MICAL3: variants seen among roughly 807,000 people sequenced by gnomAD.
The protein encoded by MICAL3 is microtubule associated monooxygenase, calponin and LIM domain containing 3.
Under a neutral mutation model 207.4 loss-of-function variants are expected in MICAL3, and 62 were observed. The observed-to-expected ratio is 0.30, with a 90% CI of 0.24 to 0.37. The LOEUF (loss-of-function observed/expected upper bound fraction) is 0.37, where lower values mean the gene tolerates loss of function less well. Ranked by LOEUF, MICAL3 falls within the 10% of genes least tolerant of loss-of-function variation. The pLI is 1.00. For missense variants in MICAL3, 2,368 were observed against 2,635.6 expected (o/e 0.90, Z 2.22); for synonymous variants, 1,077 against 1,069.3 (o/e 1.01, Z -0.14).
chr22:17,802,513 C>T (rs749661009), intron 29 of MICAL3, among the ~76,000 whole-genome samples: 2 of 152,146 alleles, frequency 1.3e-5, no homozygotes, highest in Non-Finnish European at 2.9e-5. Context: ...TCTCTGAACA[C>T]ACCAGAAGCC....
At chr22:17,903,519 G>C (rs1226542749) in intron 3 of MICAL3, among the ~76,000 whole-genome samples, 1 of 152,160 alleles carries the variant, frequency 6.6e-6, no homozygotes, top group Admixed American at 6.5e-5. Context: ...TCTCTCTTAA[G>C]ACCAAACTTA....
At chr22:18,005,411 CTT>C (rs1446138096) in intron 1 of MICAL3, 1 of 152,192 alleles carries the variant, frequency 6.6e-6, no homozygotes, top group Non-Finnish European at 1.5e-5. Flanking sequence ...CTGAGCCTGG[CTT>C]TCCACACTGC....
At chr22:17,894,796 C>CAAAA (rs549154429) in intron 10 of MICAL3, among the ~76,000 whole-genome samples, 53 of 78,296 alleles carry the variant, frequency 6.8e-4, no homozygotes, top group South Asian at 2.9e-3. Context: ...GATTCCATCT[C>CAAAA]AAAAAAAAAA....
chr22:17,846,407 C>A (rs977622780), intron 19 of MICAL3, among the ~76,000 whole-genome samples: 8 of 147,762 alleles, frequency 5.4e-5, no homozygotes, highest in Non-Finnish European at 1.0e-4. Context: ...AAAAAAAAAA[C>A]CACACGCACA....
intron 28 of MICAL3, 93 bp from the exon 29 acceptor site, chr22:17,809,030 G>C (rs1320687704): frequency 9.0e-6 from 10 of 1,106,558 alleles, no homozygotes; most frequent in African/African-American, 3.1e-5. Context: ...AAACACAGGA[G>C]TTGCCGCTCT....
intron 16 of MICAL3, among the ~76,000 whole-genome samples, chr22:17,877,305 A>T (rs1928771871): frequency 7.7e-6 from 1 of 129,586 alleles, no homozygotes; most frequent in Non-Finnish European, 1.6e-5. Flanking sequence ...TAGGGAGGTT[A>T]TGGAGGTTAG....
At chr22:17,842,253 CCTT>C in intron 19 of MICAL3, 1 of 566,460 alleles carries the variant, frequency 1.8e-6, no homozygotes, top group South Asian at 2.2e-5. Flanking sequence ...CGTTCTCTCT[CCTT>C]CATCACCCTG....
intron 1 of MICAL3, among the ~76,000 whole-genome samples, chr22:17,914,566 A>C (rs1932357108): frequency 6.6e-6 from 1 of 152,144 alleles, no homozygotes; most frequent in South Asian, 2.1e-4. Flanking sequence ...TCCAGTCCCT[A>C]ACCACCCGAG....
intron 19 of MICAL3, among the ~76,000 whole-genome samples, chr22:17,855,907 T>A (rs1569096832): frequency 1.3e-5 from 2 of 152,242 alleles, no homozygotes; most frequent in Non-Finnish European, 2.9e-5. Flanking sequence ...CAGAGAATGA[T>A]GAAGGGCAGC....
chr22:17,793,472 AG>A lies in MICAL3; in HGVS notation c.5651-2172del, dbSNP rs1555913554. On this transcript the variant is annotated intron_variant, in intron 29 of 31. Transcript: ENST00000441493. This position sits in a 1 kb window ranked among gnomAD's most constrained non-coding sequence, Gnocchi z 4.1. Reference sequence around the variant, plus strand: ...CTTAAAGCCCCAGCCACGAAGGGCCAGCCAATGCTGCAGCCCTGAAGGACCC... The same window carrying A: ...CTTAAAGCCCCAGCCACGAAGGGCCACCAATGCTGCAGCCCTGAAGGACCC... 6.6e-6 allele frequency among the ~76,000 whole-genome samples: 1 copy of A among 152,198 alleles called. No individual in the cohort carries two copies. The highest frequency in any genetic ancestry group is 1.5e-5 in the Non-Finnish European group (1 of 68,030).
In MICAL3 at chr22:17,790,762, C is replaced by G. The variant is rs1259124557; in HGVS notation, c.5979G>C (p.Leu1993=). The G allele has an allele frequency of 6.2e-7, 1 of 1,608,984 alleles. No individual in the cohort carries two copies. The highest frequency in any genetic ancestry group is 1.3e-5 in the African/African-American group (1 of 74,798). ...EEDKDLEAAM[L]SKGFSLNWS ...ACCAGTTAAGGCTGAAGCCCTTGGA[C>G]AGCATGGCAGCCTCCAGGTCCTTGT... The change falls in exon 32 of 32, where the codon CTG becomes CTC. Residue 1993 remains leucine (L), a synonymous_variant. Transcript: ENST00000441493.
intron 2 of MICAL3, 148 bp downstream of exon 2, chr22:17,906,401 C>A: frequency 1.3e-6 from 2 of 1,522,326 alleles, no homozygotes; most frequent in South Asian, 2.3e-5. Context: ...TGGATATGGT[C>A]GATGGCTCTG....
chr22:17,848,402 G>C (rs970615683), intron 19 of MICAL3, among the ~76,000 whole-genome samples: 1 of 152,194 alleles, frequency 6.6e-6, no homozygotes, highest in Non-Finnish European at 1.5e-5. Context: ...TGGCTGTTCC[G>C]AAACATTCGG....
intron 29 of MICAL3, 136 bp from the exon 30 acceptor site, chr22:17,791,437 T>C: frequency 1.3e-6 from 1 of 761,590 alleles, no homozygotes; most frequent in Non-Finnish European, 2.2e-6. Flanking sequence ...AGGCCCAAGG[T>C]TTGCCTGCAG....
In MICAL3 at chr22:17,818,645, C is replaced by T. The variant is rs773851616; in HGVS notation, c.4016G>A (p.Gly1339Glu). 1 of 1,613,644 alleles carries T rather than the reference C, an allele frequency of 6.2e-7. No individual in the cohort carries two copies. The highest frequency in any genetic ancestry group is 8.5e-7 in the Non-Finnish European group (1 of 1,179,892). The stretch of plus-strand genomic sequence containing the variant: ...CTTGCTGCGGTCCACAGGTGTGAGC[C>T]CGAGGCTGCGGCGGATCTCCGCACT... ...MKSAEIRRSLGLTPVDRSKGP... is the reference protein window; with the variant it reads ...MKSAEIRRSLELTPVDRSKGP... The change falls in exon 26 of 32, where the codon GGG becomes GAG. Residue 1339 changes from glycine to glutamate, a missense_variant. Physicochemically the swap from Gly to Glu is moderately conservative, Grantham distance 98. Around this residue, in one of 4 missense-constraint regions of MICAL3, gnomAD observed 1,770 missense variants for 1,863.2 expected, o/e 0.95. Coordinates refer to ENST00000441493, the MANE Select transcript of MICAL3 (RefSeq NM_015241.3).
chr22:18,000,939 G>C (rs1189219559), intron 1 of MICAL3: 2 of 152,212 alleles, frequency 1.3e-5, no homozygotes, highest in African/African-American at 2.4e-5. Context: ...CTCCGGTAAA[G>C]ACAGAGACCT....
At chr22:17,917,242 G>T (rs1932584017) in intron 1 of MICAL3, among the ~76,000 whole-genome samples, 1 of 152,044 alleles carries the variant, frequency 6.6e-6, no homozygotes, top group Non-Finnish European at 1.5e-5. Context: ...TTTCTACCTG[G>T]ATGTTTGACA....
At chr22:17,884,874 T>C (rs2075444) in intron 16 of MICAL3, among the ~76,000 whole-genome samples, 55,578 of 151,960 alleles carry the variant, frequency 0.37, 10,345 homozygotes, top group East Asian at 0.5. Context: ...AGGTAGTTAA[T>C]TATGGCCAGA....
chr22:17,890,593 T>C (rs1930317791), intron 12 of MICAL3, among the ~76,000 whole-genome samples: 1 of 152,208 alleles, frequency 6.6e-6, no homozygotes, highest in Non-Finnish European at 1.5e-5. Flanking sequence ...GAAATCCCCA[T>C]TTGTAATCCA....
Sources: gnomAD v4.1 joint callset for allele counts (sites outside exome capture counted in the v4.1 genomes callset) on GRCh38, gnomAD v4.1.1 for gene constraint, gnomAD v4.1.1 regional missense constraint, Gnocchi (gnomAD v3.1) non-coding constraint, MANE v1.5 for transcripts, NCBI Gene and HGNC (gene_info 2026-07-23, HGNC 2026-07-21) for gene names.